RGS6: variants seen among roughly 807,000 people sequenced by gnomAD.
RGS6 encodes the protein regulator of G-protein signaling 6.
Under a neutral mutation model 78.5 loss-of-function variants are expected in RGS6, and 30 were observed. The ratio of observed to expected loss-of-function variants is 0.38; its 90% CI spans 0.29 to 0.52. RGS6 has a LOEUF of 0.52. RGS6 is among the 20% of genes least tolerant of loss of function. The pLI is 0.85. For synonymous variants in RGS6, 206 were observed against 206.0 expected (o/e 1.00, Z 0.00); for missense variants, 495 against 609.7 (o/e 0.81, Z 1.98).
chr14:72,358,158 G>A (rs1376623258), intron 3 of RGS6, among the ~76,000 whole-genome samples: 2 of 152,190 alleles, frequency 1.3e-5, no homozygotes, highest in African/African-American at 2.4e-5. Context: ...TGATTTCAAA[G>A]GATATATAGA....
chr14:71,898,582 G>T, the RGS6 span, among the ~76,000 whole-genome samples: 3 of 152,076 alleles, frequency 2.0e-5, no homozygotes, highest in Admixed American at 6.5e-5. Flanking sequence ...CATGTGCTAT[G>T]GTGGTTTGCT....
intron 2 of RGS6, among the ~76,000 whole-genome samples, chr14:72,198,404 G>A (rs2040702317): frequency 6.6e-6 from 1 of 152,226 alleles, no homozygotes; most frequent in Non-Finnish European, 1.5e-5. Context: ...CAGGCCATAA[G>A]CAGACATTCA....
At chr14:72,051,736 A>G (rs1001447109) in intron 2 of RGS6, among the ~76,000 whole-genome samples, 1 of 152,176 alleles carries the variant, frequency 6.6e-6, no homozygotes, top group Non-Finnish European at 1.5e-5. Context: ...TTTGAGATAA[A>G]TGTATTATCA....
In RGS6 at chr14:72,458,376, A is replaced by G; in HGVS notation, c.341A>G (p.Gln114Arg). The G allele has an allele frequency of 6.2e-7, 1 of 1,611,700 alleles. No homozygotes were observed. Among genetic ancestry groups the G allele is most frequent in the Non-Finnish European group, 8.5e-7 (1 of 1,177,936 alleles). Residue 114 changes from glutamine (Q) to arginine (R), a missense_variant and splice_region_variant, in exon 5 of 18, where the codon CAG becomes CGG. Coordinates refer to ENST00000553525, the MANE Select transcript of RGS6 (RefSeq NM_001204424.2). The stretch of plus-strand genomic sequence containing the variant: ...GATGATGGCACCTTTTATCGTTTCC[A>G]GGTAAGCCTGCTGGCTCCTCCTCCT... ...MKDDGTFYRF[Q>R]APYFWPSNCW...
chr14:72,428,047 A>C (rs1055840519), intron 3 of RGS6, among the ~76,000 whole-genome samples: 2 of 152,212 alleles, frequency 1.3e-5, no homozygotes, highest in African/African-American at 2.4e-5. Context: ...AGTGAAGACC[A>C]AGCGGTAAAG....
At chr14:72,386,114 G>T (rs61995114) in intron 3 of RGS6, among the ~76,000 whole-genome samples, 56 of 152,216 alleles carry the variant, frequency 3.7e-4, no homozygotes, top group Non-Finnish European at 6.2e-4. Flanking sequence ...CCAGTGTCAT[G>T]GGCAGCAAAG....
At chr14:72,502,371 T>G (rs1226553039) in intron 13 of RGS6, among the ~76,000 whole-genome samples, 1 of 152,136 alleles carries the variant, frequency 6.6e-6, no homozygotes, top group Non-Finnish European at 1.5e-5. Flanking sequence ...GATCCCCAAG[T>G]GAGAACCACC....
intron 12 of RGS6, among the ~76,000 whole-genome samples, chr14:72,478,807 T>C (rs940232660): frequency 4.6e-5 from 7 of 152,216 alleles, no homozygotes; most frequent in Admixed American, 3.3e-4. Flanking sequence ...TCGAATCAGC[T>C]GTAAAGAAAA....
chr14:72,615,113 G>A, the RGS6 span, among the ~76,000 whole-genome samples: 63 of 152,204 alleles, frequency 4.1e-4, no homozygotes, highest in African/African-American at 1.5e-3. Context: ...GAGGGGCTAG[G>A]AGGGGCAGCC....
At chr14:72,172,527 C>T (rs930937641) in intron 2 of RGS6, among the ~76,000 whole-genome samples, 3 of 152,050 alleles carry the variant, frequency 2.0e-5, no homozygotes, top group Non-Finnish European at 4.4e-5. Context: ...GCATCCTCCC[C>T]CCAGCATTGA....
Position 72,101,257 on chromosome 14 carries a change from A to G in RGS6, c.84+136382A>G, listed in dbSNP as rs182010026. Among the ~76,000 whole-genome samples, 286 of 152,308 alleles carry G rather than the reference A, an allele frequency of 1.9e-3. 2 individuals carry two copies. The highest frequency in any genetic ancestry group is 8.1e-4 in the Non-Finnish European group (55 of 68,038). On this transcript the variant is annotated intron_variant, in intron 2 of 17. Transcript: ENST00000553525. ...GTCTGACAGCCACTGCTTCAGTTTT[A>G]ATGAAACAACAGATGAAACAGGTCT...
chr14:72,352,146 A>G lies in RGS6; in HGVS notation c.136A>G (p.Ile46Val). ...AGATGACAAGACAGGGGGTGTGCCCATCAGAACAGTCAAGAGCTTTCTCTC... is the reference window on the plus strand; with the variant it reads ...AGATGACAAGACAGGGGGTGTGCCCGTCAGAACAGTCAAGAGCTTTCTCTC... ...MQDDKTGGVP[I>V]RTVKSFLSKI... The change falls in exon 3 of 18, where the codon ATC becomes GTC. Residue 46 changes from isoleucine to valine, a missense_variant. Coordinates refer to ENST00000553525, the MANE Select transcript of RGS6 (RefSeq NM_001204424.2). The G allele has an allele frequency of 6.2e-7, 1 of 1,613,680 alleles. No homozygotes were observed. The highest frequency in any genetic ancestry group is 1.7e-5 in the Admixed American group (1 of 59,952).
At chr14:72,484,225 G>A (rs2096443760) in intron 12 of RGS6, among the ~76,000 whole-genome samples, 1 of 152,208 alleles carries the variant, frequency 6.6e-6, no homozygotes, top group Non-Finnish European at 1.5e-5. Flanking sequence ...ATGCTTTAGT[G>A]CATTTGTACT....
chr14:71,960,478 A>G (rs1033527562), intron 1 of RGS6, among the ~76,000 whole-genome samples: 6 of 152,294 alleles, frequency 3.9e-5, no homozygotes, highest in African/African-American at 1.2e-4. Context: ...GTGGAATTTT[A>G]TCAGTTCCAT....
the RGS6 span, among the ~76,000 whole-genome samples, chr14:71,913,828 A>C: frequency 3.9e-5 from 6 of 152,220 alleles, no homozygotes; most frequent in Non-Finnish European, 8.8e-5. Flanking sequence ...AAGACAAATA[A>C]ATATCCTTAT....
chr14:71,903,462 C>A, the RGS6 span, among the ~76,000 whole-genome samples: 2 of 152,218 alleles, frequency 1.3e-5, no homozygotes, highest in Admixed American at 1.3e-4. Context: ...TGGGAATTAA[C>A]AGATTTTACT....
At chr14:72,568,942 CA>C (rs2097717084), downstream of RGS6, among the ~76,000 whole-genome samples, 1 of 152,240 alleles carries the variant, frequency 6.6e-6, no homozygotes. Flanking sequence ...TCTCCCATTA[CA>C]TCACAGGATG....
chr14:72,464,446 A>C (rs1024312763), intron 6 of RGS6, among the ~76,000 whole-genome samples: 1 of 152,206 alleles, frequency 6.6e-6, no homozygotes, highest in Non-Finnish European at 1.5e-5. Context: ...GGCATACCAG[A>C]GGGTAGGCTG....
At chr14:72,376,724 C>G (rs1471850169) in intron 3 of RGS6, among the ~76,000 whole-genome samples, 2 of 152,094 alleles carry the variant, frequency 1.3e-5, no homozygotes, top group Admixed American at 1.3e-4. Context: ...CAATATTATG[C>G]CCAGCAAAGC....
Sources: gnomAD v4.1 joint callset for allele counts (sites outside exome capture counted in the v4.1 genomes callset) on GRCh38, gnomAD v4.1.1 for gene constraint, MANE v1.5 for transcripts, NCBI Gene and HGNC (gene_info 2026-07-23, HGNC 2026-07-21) for gene names.